PHACTR2: variants seen among roughly 807,000 people sequenced by gnomAD.
PHACTR2 encodes chromosome 6 open reading frame 56.
Under a neutral mutation model 76.0 loss-of-function variants are expected in PHACTR2, and 30 were observed. The ratio of observed to expected loss-of-function variants is 0.39; its 90% confidence interval spans 0.30 to 0.54. PHACTR2 has a LOEUF of 0.54. Among genes scored for constraint, PHACTR2 ranks in the 20% least tolerant of loss-of-function variants. The pLI, the probability that PHACTR2 is intolerant of heterozygous loss-of-function variation, is 0.61. For missense variants in PHACTR2, 696 were observed against 781.1 expected, an observed-to-expected ratio of 0.89 and a Z score of 1.30; for synonymous variants, 292 against 292.5, an observed-to-expected ratio of 1.00 and a Z score of 0.02.
chr6:143,737,107 G>A (rs1020365783), intron 2 of PHACTR2, among the ~76,000 whole-genome samples: 1 of 151,060 alleles, frequency 6.6e-6, no homozygotes, highest in Non-Finnish European at 1.5e-5. Flanking sequence ...ATATAACATC[G>A]TGAACTTCTA....
rs543346066 is a variant in PHACTR2 at position 143,579,828 on chromosome 6, C to T, written c.217+42621C>T. Among the ~76,000 whole-genome samples, 10 of 152,272 alleles carry T rather than the reference C, an allele frequency of 6.6e-5. No homozygotes were observed. The East Asian group carries it at 1.5e-3, about 24-fold the overall frequency. ...TGTTTCTGTGAGTCAGGAATCCAGGCACATTTAGCTGGGCCCTCTGGCTCA... is the reference window on the plus strand; with the variant it reads ...TGTTTCTGTGAGTCAGGAATCCAGGTACATTTAGCTGGGCCCTCTGGCTCA... On this transcript the variant is annotated intron_variant, in intron 1 of 11. Transcript: ENST00000367584.
rs918547957 is a variant in PHACTR2, at chr6:143,800,493, C to G, written c.1846-6564C>G. Reference sequence around the variant, plus strand: ...AGCCAGGATGGTCTCGATCTCCTGACTTCGTGATCTGCCTGCATCGGCCTC... The same window carrying G: ...AGCCAGGATGGTCTCGATCTCCTGAGTTCGTGATCTGCCTGCATCGGCCTC... On this transcript the variant is annotated intron_variant, in intron 11 of 12. Transcript: ENST00000440869. The surrounding 1 kb of genome is among the most constrained non-coding windows in gnomAD (Gnocchi z 4.8). Among the ~76,000 whole-genome samples the G allele has an allele frequency of 6.6e-6, 1 of 152,128 alleles. No homozygotes were observed. The highest frequency in any genetic ancestry group is 1.5e-5 in the Non-Finnish European group (1 of 68,008).
rs1381672919 is a variant in PHACTR2 at position 143,570,718 on chromosome 6, C to A, written c.217+33511C>A. Among the ~76,000 whole-genome samples the A allele has an allele frequency of 1.3e-5, 2 of 152,076 alleles. No individual in the cohort carries two copies. The highest frequency in any genetic ancestry group is 2.9e-5 in the Non-Finnish European group (2 of 68,016). ...TCCTTTGCACAGCAGCCATGGCCAG[C>A]GTGAGGTGCATGTGCAAGTGGAGAA... On this transcript the variant is annotated intron_variant, in intron 1 of 11. Transcript: ENST00000367584. This position sits in a 1 kb window ranked among gnomAD's most constrained non-coding sequence, Gnocchi z 4.6.
rs759683885 is a variant in PHACTR2, at chr6:143,704,095, C to CTGTG, written c.47-7896_47-7893dup. Among the ~76,000 whole-genome samples the CTGTG allele has an allele frequency of 4.1e-3, 587 of 144,200 alleles. 2 individuals are homozygous for CTGTG. The highest frequency in any genetic ancestry group is 0.013 in the African/African-American group (504 of 39,210). The allele number at this position is 144,200 out of a possible 152,430, so 94.6% of individuals were successfully genotyped here. ...ATCATGGGTGTGTGTGTGTGTGTGT[C>CTGTG]TGTGTGTGTGTGTGTGTGTGTGTGT... On this transcript the variant is annotated intron_variant, in intron 1 of 12. Coordinates refer to ENST00000440869, the MANE Select transcript of PHACTR2 (RefSeq NM_001100164.2).
rs1315465886 is a variant in PHACTR2 at position 143,595,982 on chromosome 6, T to C, written c.217+58775T>C. Among the ~76,000 whole-genome samples, 1 of 152,236 alleles carries C rather than the reference T, an allele frequency of 6.6e-6. No homozygotes were observed. The highest frequency in any genetic ancestry group is 2.4e-5 in the African/African-American group (1 of 41,466). On this transcript the variant is annotated intron_variant, in intron 1 of 11. Coordinates refer to the PHACTR2 transcript ENST00000367584. This position sits in a 1 kb window ranked among gnomAD's most constrained non-coding sequence, Gnocchi z 4.2. ...TCTATGGTTCAAACTATTTCTCGTA[T>C]AAGCACTATCTACTGGAGACTCTTA...
rs145841864 is a variant in PHACTR2, at chr6:143,722,716, T to C, written c.214+10533T>C. 1.3e-5 allele frequency among the ~76,000 whole-genome samples: 2 copies of C among 152,314 alleles called. No homozygotes were observed. Among genetic ancestry groups the C allele is most frequent in the East Asian group, 3.9e-4 (2 of 5,178 alleles). On this transcript the variant is annotated intron_variant, in intron 2 of 12. Coordinates refer to ENST00000440869, the MANE Select transcript of PHACTR2 (RefSeq NM_001100164.2). This position sits in a 1 kb window ranked among gnomAD's most constrained non-coding sequence, Gnocchi z 4.1. ...TACTGAACACTAGATCTATTCTTTCTATCTAACTGTACATTTGTACCCCTT... is the reference window on the plus strand; with the variant it reads ...TACTGAACACTAGATCTATTCTTTCCATCTAACTGTACATTTGTACCCCTT...
rs1002091347 is a variant in PHACTR2, at chr6:143,775,855, C to G, written c.1590-1473C>G. 6.6e-6 allele frequency among the ~76,000 whole-genome samples: 1 copy of G among 152,018 alleles called. No individual in the cohort carries two copies. Among genetic ancestry groups the G allele is most frequent in the African/African-American group, 2.4e-5 (1 of 41,392 alleles). ...AATTTTGTAAGTTTTTGTTAAAATCCTAAACAAACGAGGAGTTGTAATCCC... is the reference window on the plus strand; with the variant it reads ...AATTTTGTAAGTTTTTGTTAAAATCGTAAACAAACGAGGAGTTGTAATCCC... On this transcript the variant is annotated intron_variant, in intron 8 of 12. Transcript: ENST00000440869. The surrounding 1 kb of genome is among the most constrained non-coding windows in gnomAD (Gnocchi z 4.4).
chr6:143,762,413 A>G (rs543112915), intron 5 of PHACTR2, among the ~76,000 whole-genome samples: 6 of 152,220 alleles, frequency 3.9e-5, no homozygotes, highest in Non-Finnish European at 5.9e-5. Context: ...TCCTAAGAGA[A>G]TAGTACAGTC....
intron 2 of PHACTR2, among the ~76,000 whole-genome samples, chr6:143,745,013 C>T (rs1779025459): frequency 1.3e-5 from 2 of 152,192 alleles, no homozygotes; most frequent in Non-Finnish European, 1.5e-5. Context: ...CATTTATTTA[C>T]TCAACTGGCG....
chr6:143,765,127 A>T lies in PHACTR2; in HGVS notation c.695-134A>T, dbSNP rs1032210248. On this transcript the variant is annotated intron_variant, in intron 5 of 12. Coordinates refer to ENST00000440869, the MANE Select transcript of PHACTR2 (RefSeq NM_001100164.2). The surrounding 1 kb of genome is among the most constrained non-coding windows in gnomAD (Gnocchi z 4.1). ...ACAAGACTATTATCATGATTAGCCTATTTTCTCTTATACATTTATTCAACA... is the reference window on the plus strand; with the variant it reads ...ACAAGACTATTATCATGATTAGCCTTTTTTCTCTTATACATTTATTCAACA... 5 of 700,678 alleles carry T rather than the reference A, an allele frequency of 7.1e-6. No individual in the cohort carries two copies. The East Asian group carries it at 1.1e-4, about 15-fold the overall frequency. 43.4% of individuals were successfully genotyped at this position (700,678 alleles called of 1,614,324 possible).
chr6:143,726,441 C>G (rs997768584), intron 2 of PHACTR2, among the ~76,000 whole-genome samples: 2 of 152,090 alleles, frequency 1.3e-5, no homozygotes, highest in Non-Finnish European at 2.9e-5. Context: ...CCTTTTTGCC[C>G]CCCCAGTAAC....
intron 2 of PHACTR2, among the ~76,000 whole-genome samples, chr6:143,724,524 G>A (rs1316521323): frequency 6.6e-6 from 1 of 152,052 alleles, no homozygotes; most frequent in Non-Finnish European, 1.5e-5. Flanking sequence ...CCCTTTTAGT[G>A]GGAAAGCTGG....
chr6:143,771,192 G>GTATATATATATATA (rs1562300820), intron 6 of PHACTR2, among the ~76,000 whole-genome samples: 1 of 16,630 alleles, frequency 6.0e-5, no homozygotes, highest in African/African-American at 3.4e-4. Context: ...ATATATATGT[G>GTATATATATATATA]TGTATATATA....
At position 143,803,891 on chromosome 6, in the gene PHACTR2, T is replaced by G. The variant is rs1269216546; in HGVS notation, c.1846-3166T>G. On this transcript the variant is annotated intron_variant, in intron 11 of 12. Transcript: ENST00000440869. The surrounding 1 kb of genome is among the most constrained non-coding windows in gnomAD (Gnocchi z 4.7). ...ACAAACTTATCCTGAGGTAAACAAC[T>G]GCAGCCGTTAGTGTTGCCAGGCAAA... 6.6e-6 allele frequency among the ~76,000 whole-genome samples: 1 copy of G among 152,210 alleles called. No individual in the cohort carries two copies. Among genetic ancestry groups the G allele is most frequent in the African/African-American group, 2.4e-5 (1 of 41,454 alleles).
In PHACTR2 at chr6:143,708,779, C is replaced by A. The variant is rs1778106937; in HGVS notation, c.47-3237C>A. Among the ~76,000 whole-genome samples the A allele has an allele frequency of 6.6e-6, 1 of 152,104 alleles. No individual in the cohort carries two copies. Among genetic ancestry groups the A allele is most frequent in the Non-Finnish European group, 1.5e-5 (1 of 68,022 alleles). On this transcript the variant is annotated intron_variant, in intron 1 of 12. Transcript: ENST00000440869. This position sits in a 1 kb window ranked among gnomAD's most constrained non-coding sequence, Gnocchi z 5.5. Reference sequence around the variant, plus strand: ...TGTGCCAACATATGGTTTCTAATTGCAAATATGGTCTATGATAGGGGAAAA... The same window carrying A: ...TGTGCCAACATATGGTTTCTAATTGAAAATATGGTCTATGATAGGGGAAAA...
rs1777480873 is a variant in PHACTR2, at chr6:143,684,921, G to A, written c.46+6712G>A. ...GCATCTTATTTTGATTATGAGTGATGTAGGACATTTATATTTCTTTTTCTT... is the reference window on the plus strand; with the variant it reads ...GCATCTTATTTTGATTATGAGTGATATAGGACATTTATATTTCTTTTTCTT... On this transcript the variant is annotated intron_variant, in intron 1 of 12. Transcript: ENST00000440869. This position sits in a 1 kb window ranked among gnomAD's most constrained non-coding sequence, Gnocchi z 4.3. 6.6e-6 allele frequency among the ~76,000 whole-genome samples: 1 copy of A among 152,148 alleles called. No individual in the cohort carries two copies. The highest frequency in any genetic ancestry group is 6.6e-5 in the Admixed American group (1 of 15,266).
Position 143,696,952 on chromosome 6 carries a change from A to G in PHACTR2, c.47-15064A>G, listed in dbSNP as rs1000874872. 6.6e-6 allele frequency among the ~76,000 whole-genome samples: 1 copy of G among 152,192 alleles called. No homozygotes were observed. Among genetic ancestry groups the G allele is most frequent in the African/African-American group, 2.4e-5 (1 of 41,452 alleles). ...ACTTGTTGCTGGCTGCCAGTCTTAAAGAATGATTCCTCGTCATTGAACATG... is the reference window on the plus strand; with the variant it reads ...ACTTGTTGCTGGCTGCCAGTCTTAAGGAATGATTCCTCGTCATTGAACATG... On this transcript the variant is annotated intron_variant, in intron 1 of 12. Coordinates refer to ENST00000440869, the MANE Select transcript of PHACTR2 (RefSeq NM_001100164.2). This position sits in a 1 kb window ranked among gnomAD's most constrained non-coding sequence, Gnocchi z 4.1.
chr6:143,621,475 C>A lies in PHACTR2; in HGVS notation c.13+13153C>A, dbSNP rs566355709. On this transcript the variant is annotated intron_variant, in intron 1 of 11. Coordinates refer to the PHACTR2 transcript ENST00000305766. The surrounding 1 kb of genome is among the most constrained non-coding windows in gnomAD (Gnocchi z 4.1). ...AGGAAGCTCACCTGTCAAGCACCAA[C>A]GCTTTATTTTAATTGGTATTTTGCA... Among the ~76,000 whole-genome samples, 2 of 152,186 alleles carry A rather than the reference C, an allele frequency of 1.3e-5. No homozygotes were observed. The highest frequency in any genetic ancestry group is 2.4e-5 in the African/African-American group (1 of 41,432).
At chr6:143,650,642 A>G (rs1338412043) in intron 1 of PHACTR2, among the ~76,000 whole-genome samples, 1 of 152,210 alleles carries the variant, frequency 6.6e-6, no homozygotes, top group East Asian at 1.9e-4. Context: ...CAGAAAATTG[A>G]AACTGGAGTC....
Sources: allele counts gnomAD v4.1 joint callset (sites outside exome capture counted in the v4.1 genomes callset), GRCh38; gene constraint gnomAD v4.1.1; non-coding constraint Gnocchi (gnomAD v3.1); transcripts MANE v1.5; gene names NCBI Gene and HGNC (gene_info 2026-07-23, HGNC 2026-07-21).